SCHIP1: variants seen among roughly 807,000 people sequenced by gnomAD.
SCHIP1 encodes the protein schwannomin-interacting protein 1.
In SCHIP1, 8 loss-of-function variants were observed where a neutral mutation model predicts 29.7. That is an observed-to-expected ratio of 0.27 (90% CI 0.16 to 0.49). The LOEUF is 0.49. Among genes scored for constraint, SCHIP1 ranks in the 20% least tolerant of loss-of-function variants. The pLI is 0.99. For missense variants in SCHIP1, 193 were observed against 294.6 expected, an observed-to-expected ratio of 0.66 and a Z score of 2.52; for synonymous variants, 76 against 94.9, an observed-to-expected ratio of 0.80 and a Z score of 1.16.
chr3:159,416,945 A>G, the SCHIP1 span, among the ~76,000 whole-genome samples: 63 of 152,336 alleles, frequency 4.1e-4, no homozygotes, highest in South Asian at 8.3e-4. Context: ...GTGAAGGCCA[A>G]TGTGGATCCC....
chr3:159,767,047 TAC>T, the SCHIP1 span, among the ~76,000 whole-genome samples: 1 of 152,178 alleles, frequency 6.6e-6, no homozygotes, highest in South Asian at 2.1e-4. Context: ...CTCTACAAGT[TAC>T]ACAGAGAAAT....
chr3:159,722,576 C>T, the SCHIP1 span, among the ~76,000 whole-genome samples: 52 of 151,934 alleles, frequency 3.4e-4, no homozygotes, highest in South Asian at 3.1e-3. Context: ...ACATTTGAGA[C>T]GCAATATTTT....
At chr3:159,642,040 T>C in the SCHIP1 span, among the ~76,000 whole-genome samples, 1 of 152,130 alleles carries the variant, frequency 6.6e-6, no homozygotes, top group South Asian at 2.1e-4. Flanking sequence ...GTTTTGAATC[T>C]CACTCACTTC....
chr3:159,473,069 T>C, the SCHIP1 span, among the ~76,000 whole-genome samples: 1 of 152,166 alleles, frequency 6.6e-6, no homozygotes, highest in Non-Finnish European at 1.5e-5. Flanking sequence ...GTCAATGAAC[T>C]CAGTTTAAAA....
the SCHIP1 span, among the ~76,000 whole-genome samples, chr3:159,732,312 G>C: frequency 6.6e-6 from 1 of 152,350 alleles, no homozygotes; most frequent in Non-Finnish European, 1.5e-5. Flanking sequence ...CTTATATGGT[G>C]AAAAGTGCCC....
At chr3:159,453,091 A>G in the SCHIP1 span, among the ~76,000 whole-genome samples, 1 of 152,226 alleles carries the variant, frequency 6.6e-6, no homozygotes, top group Non-Finnish European at 1.5e-5. Context: ...ACCAGTCAGT[A>G]GCTGCTCTCA....
the SCHIP1 span, among the ~76,000 whole-genome samples, chr3:159,536,935 T>G: frequency 6.6e-6 from 1 of 152,148 alleles, no homozygotes; most frequent in African/African-American, 2.4e-5. Context: ...ACATGTGTGG[T>G]AGAAATATTA....
chr3:159,319,910 C>T, the SCHIP1 span, among the ~76,000 whole-genome samples: 16 of 152,142 alleles, frequency 1.1e-4, no homozygotes, highest in African/African-American at 3.1e-4. Context: ...CTAGTAGTAT[C>T]ACATCATGGC....
the SCHIP1 span, among the ~76,000 whole-genome samples, chr3:159,416,156 C>G: frequency 1.2e-4 from 19 of 152,302 alleles, no homozygotes; most frequent in African/African-American, 3.4e-4. Flanking sequence ...CCCAAATTCT[C>G]TAATCCTAGG....
chr3:159,860,413 T>C (rs1420961808), intron 1 of SCHIP1, among the ~76,000 whole-genome samples: 2 of 152,176 alleles, frequency 1.3e-5, no homozygotes, highest in Admixed American at 1.3e-4. Context: ...GTCTTTGATT[T>C]AGAACATGCA....
At chr3:159,784,346 A>G in the SCHIP1 span, among the ~76,000 whole-genome samples, 1 of 152,234 alleles carries the variant, frequency 6.6e-6, no homozygotes, top group Non-Finnish European at 1.5e-5. Context: ...ATTTTTCAGT[A>G]CTTATTACTC....
the SCHIP1 span, among the ~76,000 whole-genome samples, chr3:159,560,335 A>G: frequency 2.5e-3 from 377 of 152,344 alleles, 1 homozygote; most frequent in African/African-American, 8.7e-3. Context: ...AATTGTGCTC[A>G]GGAATGGTAC....
the SCHIP1 span, among the ~76,000 whole-genome samples, chr3:159,718,412 T>C: frequency 1.3e-5 from 2 of 152,088 alleles, no homozygotes; most frequent in Non-Finnish European, 2.9e-5. Context: ...AAATAAAGGG[T>C]ATTCAGTTAG....
At chr3:159,497,665 T>G in the SCHIP1 span, among the ~76,000 whole-genome samples, 2 of 149,692 alleles carry the variant, frequency 1.3e-5, no homozygotes, top group African/African-American at 2.5e-5. Flanking sequence ...GCAGGAAGGG[T>G]GAGAGGGAGG....
At chr3:159,516,587 G>A in the SCHIP1 span, among the ~76,000 whole-genome samples, 99,034 of 151,984 alleles carry the variant, frequency 0.65, 32,552 homozygotes, top group East Asian at 0.78. Flanking sequence ...GCAGCTAGAT[G>A]GATTTCTTAA....
the SCHIP1 span, among the ~76,000 whole-genome samples, chr3:159,716,158 T>C: frequency 6.6e-5 from 10 of 152,214 alleles, no homozygotes; most frequent in African/African-American, 2.2e-4. Flanking sequence ...CTAAGCTTCA[T>C]ACGTGAAGGA....
the SCHIP1 span, among the ~76,000 whole-genome samples, chr3:159,477,162 A>G: frequency 6.6e-6 from 1 of 152,178 alleles, no homozygotes; most frequent in Non-Finnish European, 1.5e-5. Flanking sequence ...CATAGTGTAT[A>G]TATTCCACAT....
At chr3:159,873,431 C>T (rs1715475659) in intron 2 of SCHIP1, among the ~76,000 whole-genome samples, 1 of 152,164 alleles carries the variant, frequency 6.6e-6, no homozygotes, top group Non-Finnish European at 1.5e-5. Flanking sequence ...TCAACTGTTC[C>T]TGTGAGCGTG....
chr3:159,508,404 T>C, the SCHIP1 span, among the ~76,000 whole-genome samples: 2 of 152,186 alleles, frequency 1.3e-5, no homozygotes, highest in African/African-American at 4.8e-5. Context: ...TTGTTGATCT[T>C]TTCAAAAAAC....
Sources: gnomAD v4.1 joint callset for allele counts (sites outside exome capture counted in the v4.1 genomes callset) on GRCh38, gnomAD v4.1.1 for gene constraint, MANE v1.5 for transcripts, NCBI Gene and HGNC (gene_info 2026-07-23, HGNC 2026-07-21) for gene names.